The following EPN3 variants were observed in gnomAD, a reference collection of about 807,000 sequenced individuals.
EPN3 encodes the protein epsin-3.
Under a neutral mutation model 55.5 loss-of-function variants are expected in EPN3, and 56 were observed. The observed-to-expected ratio is 1.01, with a 90% CI of 0.81 to 1.26. EPN3 has a LOEUF of 1.26. Ranked by LOEUF, EPN3 falls within the 50% of genes most tolerant of loss-of-function variation. EPN3 has a pLI of 0.00. For synonymous variants in EPN3, 449 were observed against 375.2 expected, an observed-to-expected ratio of 1.20 and a Z score of -2.27; for missense variants, 927 against 853.4, an observed-to-expected ratio of 1.09 and a Z score of -1.07.
At chr17:50,534,223 TC>T (rs762642061) in intron 1 of EPN3, among the ~76,000 whole-genome samples, 7 of 152,084 alleles carry the variant, frequency 4.6e-5, no homozygotes, top group Non-Finnish European at 5.9e-5. Flanking sequence ...TCAAGGTGCC[TC>T]CCCATGTTTC....
chr17:50,540,868 G>T lies in EPN3; in HGVS notation c.1055G>T (p.Gly352Val), dbSNP rs761297992. 6.2e-7 allele frequency: 1 copy of T among 1,614,172 alleles called. No homozygotes were observed. Reference protein sequence around the residue: ...SADPWSPIPSGTVLSRSQPWD... With the variant: ...SADPWSPIPSVTVLSRSQPWD... Reference sequence around the variant, plus strand: ...GACCCCTGGTCTCCGATCCCCTCAGGAACCGTCCTGTCCCGAAGCCAGCCC... The same window carrying T: ...GACCCCTGGTCTCCGATCCCCTCAGTAACCGTCCTGTCCCGAAGCCAGCCC... Residue 352 changes from glycine to valine, a missense_variant, in exon 7 of 10, where the codon GGA becomes GTA. By Grantham distance (109) the Gly-to-Val change is moderately radical (BLOSUM62 -3). Coordinates refer to ENST00000268933, the MANE Select transcript of EPN3 (RefSeq NM_017957.3).
intron 3 of EPN3, 163 bp downstream of exon 3, chr17:50,538,360 G>A: frequency 1.7e-6 from 1 of 604,794 alleles, no homozygotes; most frequent in South Asian, 2.0e-5. Context: ...CGCAGGCAGG[G>A]ACTGCCTCCC....
intron 1 of EPN3, chr17:50,534,543 C>T (rs1250005944): frequency 2.8e-5 from 28 of 985,496 alleles, no homozygotes; most frequent in Non-Finnish European, 3.4e-5. Flanking sequence ...GAGGTGAAGG[C>T]AGGTCTGAGT....
chr17:50,532,976 C>G lies in EPN3; in HGVS notation c.-146C>G, dbSNP rs547286508. On this transcript the variant is annotated 5_prime_UTR_variant, in exon 1 of 10. Transcript: ENST00000268933. ...GGCTGGGGCTGGGGCCGAGGGAGCCCGCACTGGAGGTAAGCTTCCTCCCTG... is the reference window on the plus strand; with the variant it reads ...GGCTGGGGCTGGGGCCGAGGGAGCCGGCACTGGAGGTAAGCTTCCTCCCTG... 6.8e-5 allele frequency: 87 copies of G among 1,284,774 alleles called. No individual in the cohort carries two copies. In the African/African-American group the frequency reaches 1.2e-3, roughly 18 times the overall value. 79.6% of individuals were successfully genotyped at this position (1,284,774 alleles called of 1,614,324 possible). A position where few individuals can be genotyped will look rare whatever the true frequency, so the allele number is the denominator to read the frequency against.
chr17:50,538,249 G>C, intron 3 of EPN3, 52 bp downstream of exon 3: 1 of 1,436,904 alleles, frequency 7.0e-7, no homozygotes, highest in Non-Finnish European at 9.6e-7. Context: ...TAGGGGGAGA[G>C]AGTGCCTGGG....
Position 50,541,644 on chromosome 17 carries a change from C to T in EPN3, c.1535C>T (p.Ser512Leu), listed in dbSNP as rs778699872. 5 of 1,614,016 alleles carry T rather than the reference C, an allele frequency of 3.1e-6. No homozygotes were observed. The highest frequency in any genetic ancestry group is 4.2e-6 in the Non-Finnish European group (5 of 1,180,032). The stretch of plus-strand genomic sequence containing the variant: ...GCTTCCTCCTTGGTCAACCTTGACT[C>T]GTTGGTCAAGGCACCCCAGGTTGCA... ...PSASSLVNLD[S>L]LVKAPQVAKT... Residue 512 changes from serine (S) to leucine (L), a missense_variant, in exon 9 of 10, where the codon TCG (serine) becomes TTG (leucine). Ser to Leu is a moderately radical substitution (Grantham distance 145, BLOSUM62 -2). Coordinates refer to ENST00000268933, the MANE Select transcript of EPN3 (RefSeq NM_017957.3).
At position 50,532,890 on chromosome 17, in the gene EPN3, C is replaced by A; in HGVS notation, c.-232C>A. ...TCCATGGTGGATGGCTCTGGAGACG[C>A]TCCCGAGGCTGTGCCGTCCCGCTGC... On this transcript the variant is annotated 5_prime_UTR_variant, in exon 1 of 10. Coordinates refer to ENST00000268933, the MANE Select transcript of EPN3 (RefSeq NM_017957.3). The A allele has an allele frequency of 1.6e-6, 2 of 1,286,292 alleles. No homozygotes were observed. The highest frequency in any genetic ancestry group is 2.0e-6 in the Non-Finnish European group (2 of 987,504). 79.7% of individuals were successfully genotyped at this position (1,286,292 alleles called of 1,614,324 possible). A position where few individuals can be genotyped will look rare whatever the true frequency, so the allele number is the denominator to read the frequency against.
chr17:50,540,573 A>G (rs1350742452), intron 6 of EPN3, among the ~76,000 whole-genome samples: 4 of 152,232 alleles, frequency 2.6e-5, no homozygotes. Context: ...TCACTTGCTC[A>G]GCACGCCTGG....
At chr17:50,537,305 A>G in intron 2 of EPN3, 187 bp downstream of exon 2, 1 of 627,408 alleles carries the variant, frequency 1.6e-6, no homozygotes. Flanking sequence ...TAGCTCAGAT[A>G]ATAACGTTGT....
At chr17:50,539,414 A>G (rs947048661) in intron 5 of EPN3, 99 bp downstream of exon 5, 1 of 1,539,708 alleles carries the variant, frequency 6.5e-7, no homozygotes, top group Non-Finnish European at 8.8e-7. Flanking sequence ...TATAGTAAGC[A>G]CTGATGTGTT....
At chr17:50,540,112 AGAGGT>A (rs1481441829) in intron 5 of EPN3, 130 bp from the exon 6 acceptor site, 1 of 654,506 alleles carries the variant, frequency 1.5e-6, no homozygotes. Flanking sequence ...AGCACTGTGC[AGAGGT>A]GAGGGATCAT....
At chr17:50,537,230 A>G in intron 2 of EPN3, 112 bp downstream of exon 2, 1 of 1,140,088 alleles carries the variant, frequency 8.8e-7, no homozygotes, top group Non-Finnish European at 1.2e-6. Flanking sequence ...TGTTATGAAG[A>G]TTCAGACATA....
intron 6 of EPN3, 95 bp from the exon 7 acceptor site, chr17:50,540,698 C>A (rs1248870148): frequency 6.8e-7 from 1 of 1,474,098 alleles, no homozygotes; most frequent in East Asian, 2.3e-5. Context: ...TGACATGGAT[C>A]TTCTGCCTCC....
chr17:50,536,932 A>G lies in EPN3; in HGVS notation c.376A>G (p.Lys126Glu), dbSNP rs769600825. 3 of 1,614,128 alleles carry G rather than the reference A, an allele frequency of 1.9e-6. No individual in the cohort carries two copies. The South Asian group carries it at 3.3e-5, about 18-fold the overall frequency. ...GGACCAGGGCGTCAACGTGCGCGAG[A>G]AGGTCAAGCAGGTGATGGCCCTGCT... ...GKDQGVNVRE[K>E]VKQVMALLKD... is the part of the protein sequence containing the mutation. Residue 126 changes from lysine (K) to glutamate (E), a missense_variant, in exon 2 of 10, where the codon AAG becomes GAG. Physicochemically the swap from Lys to Glu is moderately conservative, Grantham distance 56. Transcript: ENST00000268933.
Position 50,538,867 on chromosome 17 carries a change from CCT to C in EPN3, c.682-12_682-11del, listed in dbSNP as rs755549190. On this transcript the variant is annotated splice_polypyrimidine_tract_variant and intron_variant, in intron 3 of 9. Coordinates refer to ENST00000268933, the MANE Select transcript of EPN3 (RefSeq NM_017957.3). ...GTGGGGGTACAGGGCCAAGTTTACC[CCT>C]CTCTTCCTCCGCAGCCTGTCCCCCC... 1.7e-5 allele frequency: 26 copies of C among 1,568,868 alleles called. No homozygotes were observed. In the African/African-American group the frequency reaches 2.2e-4, roughly 13 times the overall value.
In EPN3 at chr17:50,532,897, GGCTGTGCCGT is replaced by G; in HGVS notation, c.-224_-215del. On this transcript the variant is annotated 5_prime_UTR_variant, in exon 1 of 10. The change abolishes the stop of an existing upstream ORF in the 5' untranslated region. Transcript: ENST00000268933. ...TGGATGGCTCTGGAGACGCTCCCGA[GGCTGTGCCGT>G]CCCGCTGCTGCACAGGTCGGAGGGT... 1 of 1,286,228 alleles carries G rather than the reference GGCTGTGCCGT, an allele frequency of 7.8e-7. No individual in the cohort carries two copies. Among genetic ancestry groups the G allele is most frequent in the South Asian group, 1.2e-5 (1 of 80,776 alleles). The allele number at this position is 1,286,228 out of a possible 1,614,324, so 79.7% of individuals were successfully genotyped here.
At chr17:50,537,193 T>C (rs2034777247) in intron 2 of EPN3, 75 bp downstream of exon 2, 10 of 1,383,466 alleles carry the variant, frequency 7.2e-6, no homozygotes, top group South Asian at 2.8e-5. Context: ...ATCCAAGCCA[T>C]GGTTCATAAT....
chr17:50,540,975 C>T lies in EPN3; in HGVS notation c.1162C>T (p.Pro388Ser), dbSNP rs1483754126. 1.2e-6 allele frequency: 2 copies of T among 1,612,078 alleles called. No homozygotes were observed. The highest frequency in any genetic ancestry group is 1.1e-5 in the South Asian group (1 of 90,988). Residue 388 changes from proline (P) to serine (S), a missense_variant, in exon 7 of 10, where the codon CCC becomes TCC. Pro to Ser is a moderately conservative substitution (Grantham distance 74). Coordinates refer to ENST00000268933, the MANE Select transcript of EPN3 (RefSeq NM_017957.3). ...VLPAGPPTTDPWALNSPHHKL... is the reference protein window; with the variant it reads ...VLPAGPPTTDSWALNSPHHKL... Reference sequence around the variant, plus strand: ...GCCTGCTGGGCCCCCCACCACAGACCCCTGGGCCCTGAACTCTCCCCACCA... The same window carrying T: ...GCCTGCTGGGCCCCCCACCACAGACTCCTGGGCCCTGAACTCTCCCCACCA...
intron 2 of EPN3, chr17:50,537,450 A>G (rs1253283367): frequency 5.2e-6 from 2 of 386,306 alleles, no homozygotes; most frequent in African/African-American, 4.1e-5. Flanking sequence ...TCTGAACCTC[A>G]GTTTCCTCAT....
Sources: allele counts gnomAD v4.1 joint callset (sites outside exome capture counted in the v4.1 genomes callset), GRCh38; gene constraint gnomAD v4.1.1; transcripts MANE v1.5; gene names NCBI Gene and HGNC (gene_info 2026-07-23, HGNC 2026-07-21).